The following NAV2 variants were observed in gnomAD, a reference collection of about 807,000 sequenced individuals.
The protein encoded by NAV2 is helicase, APC down-regulated 1.
NAV2 carries 54 observed loss-of-function variants against 223.2 expected under a neutral mutation model. The ratio of observed to expected loss-of-function variants is 0.24; its 90% CI spans 0.19 to 0.30. The LOEUF is 0.30. Among genes scored for constraint, NAV2 ranks in the 10% least tolerant of loss-of-function variants. The pLI, the probability that NAV2 is intolerant of heterozygous loss-of-function variation, is 1.00. For synonymous variants in NAV2, 1,279 were observed against 1,239.3 expected (o/e 1.03, Z -0.67); for missense variants, 2,806 against 3,147.5 (o/e 0.89, Z 2.60).
intron 1 of NAV2, among the ~76,000 whole-genome samples, chr11:19,702,539 G>T (rs773268642): frequency 7.9e-5 from 12 of 152,126 alleles, no homozygotes; most frequent in Admixed American, 6.5e-5. Context: ...AGTACTTTGG[G>T]AGGCCAAGGC....
At chr11:19,945,340 TC>T in intron 8 of NAV2, among the ~76,000 whole-genome samples, 1 of 50,276 alleles carries the variant, frequency 2.0e-5, no homozygotes, top group African/African-American at 8.8e-5. Context: ...TTCCTTTCTT[TC>T]CTTCCCTTTC....
At chr11:19,886,160 T>A (rs1192871019) in intron 5 of NAV2, among the ~76,000 whole-genome samples, 1 of 150,996 alleles carries the variant, frequency 6.6e-6, no homozygotes. Flanking sequence ...TTTTTTTTTT[T>A]AAAGGTGGGG....
intron 8 of NAV2, among the ~76,000 whole-genome samples, chr11:19,941,367 C>T (rs2046388342): frequency 1.3e-5 from 2 of 150,486 alleles, no homozygotes; most frequent in Admixed American, 6.7e-5. Flanking sequence ...AATTCCTTAT[C>T]AGGGTGACAT....
At chr11:19,615,294 C>G (rs1306523387) in intron 1 of NAV2, among the ~76,000 whole-genome samples, 1 of 151,912 alleles carries the variant, frequency 6.6e-6, no homozygotes, top group Non-Finnish European at 1.5e-5. Flanking sequence ...TCAAACTCCT[C>G]TATTTACTAA....
chr11:19,982,124 G>A (rs2050349770), intron 10 of NAV2, among the ~76,000 whole-genome samples: 1 of 151,934 alleles, frequency 6.6e-6, no homozygotes, highest in South Asian at 2.1e-4. Flanking sequence ...ATGCATTGAA[G>A]GGCAATTAAA....
At chr11:19,388,238 T>C (rs1030542012) in intron 1 of NAV2, among the ~76,000 whole-genome samples, 1 of 152,216 alleles carries the variant, frequency 6.6e-6, no homozygotes, top group Admixed American at 6.5e-5. Context: ...ACAGTGCACA[T>C]TGGAGTTCCT....
At chr11:19,407,046 G>A (rs1849927300) in intron 1 of NAV2, among the ~76,000 whole-genome samples, 1 of 152,206 alleles carries the variant, frequency 6.6e-6, no homozygotes, top group Non-Finnish European at 1.5e-5. Context: ...GGCTCATTTG[G>A]ATGGAGGCAG....
intron 1 of NAV2, among the ~76,000 whole-genome samples, chr11:19,422,423 T>C (rs1220935250): frequency 6.6e-6 from 1 of 152,144 alleles, no homozygotes; most frequent in African/African-American, 2.4e-5. Context: ...CCCACGGCCC[T>C]GAAGAGCAAT....
At chr11:20,023,177 G>C in intron 11 of NAV2, 1 of 1,529,862 alleles carries the variant, frequency 6.5e-7, no homozygotes, top group Non-Finnish European at 8.9e-7. Context: ...GGTGGGTGTG[G>C]TGCATGTACT....
At chr11:19,640,407 T>C (rs945029573) in intron 1 of NAV2, among the ~76,000 whole-genome samples, 11 of 151,430 alleles carry the variant, frequency 7.3e-5, no homozygotes, top group Non-Finnish European at 1.3e-4. Context: ...ACATATAATA[T>C]ATAAAAATAC....
chr11:19,932,957 T>A (rs561381240), intron 6 of NAV2, among the ~76,000 whole-genome samples: 2 of 152,224 alleles, frequency 1.3e-5, no homozygotes. Context: ...GCCACCAAAA[T>A]GTGATGGGGT....
chr11:19,843,984 G>C (rs2060645397), intron 3 of NAV2, among the ~76,000 whole-genome samples: 1 of 152,166 alleles, frequency 6.6e-6, no homozygotes, highest in Non-Finnish European at 1.5e-5. Flanking sequence ...GTCAGTGTAT[G>C]TATGGAAGGG....
intron 1 of NAV2, among the ~76,000 whole-genome samples, chr11:19,691,121 A>T (rs2049162222): frequency 6.6e-6 from 1 of 152,224 alleles, no homozygotes; most frequent in Non-Finnish European, 1.5e-5. Flanking sequence ...CATTCTTGAC[A>T]AACTCCCAGG....
At chr11:19,633,280 G>A (rs1379775021) in intron 1 of NAV2, among the ~76,000 whole-genome samples, 1 of 152,224 alleles carries the variant, frequency 6.6e-6, no homozygotes, top group African/African-American at 2.4e-5. Context: ...GGCAAGTGAA[G>A]GCTTGACCTG....
chr11:19,612,014 A>G (rs2046659664), intron 1 of NAV2, among the ~76,000 whole-genome samples: 1 of 152,246 alleles, frequency 6.6e-6, no homozygotes, highest in African/African-American at 2.4e-5. Context: ...TCTGAAATCT[A>G]GACGGATGTT....
chr11:19,730,790 C>T (rs1240092931), intron 1 of NAV2, among the ~76,000 whole-genome samples: 1 of 151,828 alleles, frequency 6.6e-6, no homozygotes, highest in Non-Finnish European at 1.5e-5. Context: ...CCCCTTGGTC[C>T]TCAGGGGCAT....
At chr11:19,385,041 A>G (rs1159562999) in intron 1 of NAV2, 1 of 152,254 alleles carries the variant, frequency 6.6e-6, no homozygotes, top group East Asian at 1.9e-4. Flanking sequence ...CAAGCACTTC[A>G]CAAGAGATAT....
At chr11:19,485,564 A>G (rs941162255) in intron 1 of NAV2, among the ~76,000 whole-genome samples, 24 of 152,194 alleles carry the variant, frequency 1.6e-4, no homozygotes, top group African/African-American at 5.1e-4. Context: ...CATAGTCTCC[A>G]GAAATCAACT....
At chr11:19,964,451 G>A (rs1466462125) in intron 10 of NAV2, among the ~76,000 whole-genome samples, 1 of 151,562 alleles carries the variant, frequency 6.6e-6, no homozygotes, top group African/African-American at 2.4e-5. Flanking sequence ...ACTTTTAAAT[G>A]CCAGGCACTG....
Sources: allele counts gnomAD v4.1 joint callset (sites outside exome capture counted in the v4.1 genomes callset), GRCh38; gene constraint gnomAD v4.1.1; transcripts MANE v1.5; gene names NCBI Gene and HGNC (gene_info 2026-07-23, HGNC 2026-07-21).